Variants in FREM1 observed in about 807,000 individuals in gnomAD.
FREM1 encodes FRAS1-related extracellular matrix protein 1.
Under a neutral mutation model 210.1 loss-of-function variants are expected in FREM1, and 220 were observed. That is an observed-to-expected ratio of 1.05 (90% CI 0.94 to 1.17). FREM1 has a LOEUF of 1.17. FREM1 is among the 50% of genes most tolerant of loss of function. FREM1 has a pLI of 0.00. For synonymous variants in FREM1, 1,189 were observed against 980.2 expected (o/e 1.21, Z -3.98); for missense variants, 3,454 against 2,675.5 (o/e 1.29, Z -6.42).
intron 1 of FREM1, among the ~76,000 whole-genome samples, chr9:14,878,562 A>G (rs372027703): frequency 1.3e-5 from 2 of 152,172 alleles, no homozygotes; most frequent in Non-Finnish European, 2.9e-5. Flanking sequence ...AATATAATGC[A>G]TTTGATCCTT....
At chr9:14,864,677 C>T (rs752946117) in intron 2 of FREM1, among the ~76,000 whole-genome samples, 1 of 152,146 alleles carries the variant, frequency 6.6e-6, no homozygotes, top group Non-Finnish European at 1.5e-5. Flanking sequence ...CATATCATGC[C>T]CTTCATTCTG....
chr9:14,848,614 C>T, intron 7 of FREM1, 51 bp downstream of exon 7: 1 of 1,080,456 alleles, frequency 9.3e-7, no homozygotes, highest in South Asian at 1.5e-5. Flanking sequence ...CATCTACTTT[C>T]TTGTATTCCC....
At chr9:14,806,253 C>CT (rs35603165) in intron 18 of FREM1, among the ~76,000 whole-genome samples, 85,951 of 129,736 alleles carry the variant, frequency 0.66, 28,676 homozygotes, top group East Asian at 0.82. Context: ...GTGCTTTAAA[C>CT]TTTTTTTTTT....
rs1846370777 is a variant in FREM1, at chr9:14,766,165, TC to T, written c.5204+3558del. On this transcript the variant is annotated intron_variant, in intron 27 of 36. Coordinates refer to ENST00000380880, the MANE Select transcript of FREM1 (RefSeq NM_001379081.2). ...AAAAGCCTTGAGCTTTATTTCCTTA[TC>T]CTCAGAGGATTGTGTTTTGCAGATA... 2.0e-5 allele frequency among the ~76,000 whole-genome samples: 3 copies of T among 152,294 alleles called. No homozygotes were observed. In the South Asian group the frequency reaches 6.2e-4, roughly 32 times the overall value.
Position 14,859,180 on chromosome 9 carries a change from T to C in FREM1, c.631+3A>G. 4 of 1,569,382 alleles carry C rather than the reference T, an allele frequency of 2.5e-6. No homozygotes were observed. Among genetic ancestry groups the C allele is most frequent in the Non-Finnish European group, 3.5e-6 (4 of 1,158,886 alleles). ...CCCAGAAAGGCATTAAAAGACATCA[T>C]ACGGGACTCTGGGAAAAAACTGTGT... is the stretch of plus-strand genomic sequence containing the variant. On this transcript the variant is annotated splice_donor_region_variant and intron_variant, in intron 4 of 36. Coordinates refer to ENST00000380880, the MANE Select transcript of FREM1 (RefSeq NM_001379081.2).
In FREM1 at chr9:14,775,996, G is replaced by C; in HGVS notation, c.4650C>G (p.Pro1550=). The part of the protein sequence containing the change: ...ENLTFLLVQL[P]QHGQLYLWGT... ...CCCACAGGTAGAGCTGGCCATGCTG[G>C]GGGAGCTGAACCAAGAGGAAGGTGA... is the stretch of plus-strand genomic sequence containing the variant. The change falls in exon 25 of 37, where the codon CCC becomes CCG. Residue 1550 remains proline, a synonymous_variant. Coordinates refer to ENST00000380880, the MANE Select transcript of FREM1 (RefSeq NM_001379081.2). 2 of 1,614,026 alleles carry C rather than the reference G, an allele frequency of 1.2e-6. No individual in the cohort carries two copies. Among genetic ancestry groups the C allele is most frequent in the Non-Finnish European group, 1.7e-6 (2 of 1,179,890 alleles).
intron 18 of FREM1, among the ~76,000 whole-genome samples, chr9:14,805,585 C>A (rs1377864901): frequency 6.6e-6 from 1 of 152,210 alleles, no homozygotes; most frequent in Non-Finnish European, 1.5e-5. Context: ...AGGTACATAT[C>A]AAGCAAGGTG....
chr9:14,799,788 T>G (rs10961714), intron 20 of FREM1, among the ~76,000 whole-genome samples: 2,172 of 152,234 alleles, frequency 0.014, 27 homozygotes, highest in Middle Eastern at 0.048. Flanking sequence ...ATAAATGCAT[T>G]TTTTTCTTTT....
intron 1 of FREM1, among the ~76,000 whole-genome samples, chr9:14,909,235 A>G (rs1349649501): frequency 2.0e-5 from 3 of 152,210 alleles, no homozygotes; most frequent in South Asian, 4.1e-4. Flanking sequence ...TAAAAACAAT[A>G]AACAATTTCC....
chr9:14,883,094 T>C (rs1028966042), intron 1 of FREM1, among the ~76,000 whole-genome samples: 2 of 151,962 alleles, frequency 1.3e-5, no homozygotes, highest in African/African-American at 2.4e-5. Context: ...TAGAAGGAAT[T>C]GGGCCTGGAT....
At chr9:14,780,917 G>C (rs1302021204) in intron 24 of FREM1, among the ~76,000 whole-genome samples, 1 of 152,216 alleles carries the variant, frequency 6.6e-6, no homozygotes, top group Non-Finnish European at 1.5e-5. Context: ...TTGGGTTAGT[G>C]AAATGACAAG....
At chr9:14,757,134 C>G (rs1476465727) in intron 28 of FREM1, among the ~76,000 whole-genome samples, 2 of 152,214 alleles carry the variant, frequency 1.3e-5, no homozygotes, top group African/African-American at 4.8e-5. Context: ...ATGCCCTAGT[C>G]TAAGGAGACT....
intron 1 of FREM1, among the ~76,000 whole-genome samples, chr9:14,881,813 T>C (rs1477072847): frequency 2.0e-5 from 3 of 152,210 alleles, no homozygotes; most frequent in East Asian, 3.9e-4. Context: ...TTCTGGCCAA[T>C]GGAATTGAAG....
intron 10 of FREM1, among the ~76,000 whole-genome samples, chr9:14,838,804 G>T (rs1027333083): frequency 4.6e-5 from 7 of 152,090 alleles, no homozygotes; most frequent in African/African-American, 1.4e-4. Context: ...AAGAAATAGT[G>T]GTCTTACTTT....
rs1303286767 is a variant in FREM1 at position 14,859,260 on chromosome 9, T to G, written c.554A>C (p.His185Pro). 1 of 1,613,540 alleles carries G rather than the reference T, an allele frequency of 6.2e-7. No individual in the cohort carries two copies. The highest frequency in any genetic ancestry group is 2.2e-5 in the East Asian group (1 of 44,866). ...LDTARTRLPA[H>P]GQMVLGEPRP... ...AGGCTCCCCGAGAACCATCTGGCCA[T>G]GGGCTGGCAGCCGAGTTCTCGCAGT... The change falls in exon 4 of 37, where the codon CAT (histidine) becomes CCT (proline). Residue 185 changes from histidine (H) to proline (P), a missense_variant. His to Pro is a moderately conservative substitution (Grantham distance 77). Transcript: ENST00000380880.
At chr9:14,837,235 T>C (rs948753206) in intron 10 of FREM1, among the ~76,000 whole-genome samples, 2 of 152,128 alleles carry the variant, frequency 1.3e-5, no homozygotes, top group Non-Finnish European at 2.9e-5. Context: ...TGGTCAAACC[T>C]ATTTCCTGAG....
At chr9:14,849,246 T>A (rs367919821) in intron 6 of FREM1, among the ~76,000 whole-genome samples, 1 of 152,156 alleles carries the variant, frequency 6.6e-6, no homozygotes, top group African/African-American at 2.4e-5. Context: ...GATACTAACA[T>A]CCTACCGTAC....
intron 3 of FREM1, among the ~76,000 whole-genome samples, chr9:14,861,254 T>C (rs1193430357): frequency 1.5e-4 from 10 of 66,266 alleles, no homozygotes; most frequent in African/African-American, 6.8e-4. Context: ...CATATATACA[T>C]ATATACACAT....
intron 4 of FREM1, among the ~76,000 whole-genome samples, chr9:14,858,678 T>A (rs908246248): frequency 1.3e-5 from 2 of 152,154 alleles, no homozygotes; most frequent in African/African-American, 4.8e-5. Flanking sequence ...CCAAAATAGG[T>A]TGATTGAGTG....
Sources: allele counts gnomAD v4.1 joint callset (sites outside exome capture counted in the v4.1 genomes callset), GRCh38; gene constraint gnomAD v4.1.1; transcripts MANE v1.5; gene names NCBI Gene and HGNC (gene_info 2026-07-23, HGNC 2026-07-21).